GCN1: variants seen among roughly 807,000 people sequenced by gnomAD.
The protein encoded by GCN1 is GCN1 activator of EIF2AK4.
In GCN1, 90 loss-of-function variants were observed where a neutral mutation model predicts 288.4. The observed-to-expected ratio is 0.31, with a 90% CI of 0.26 to 0.37. The LOEUF (loss-of-function observed/expected upper bound fraction) is 0.37, where lower values mean the gene tolerates loss of function less well. Ranked by LOEUF, GCN1 falls within the 10% of genes least tolerant of loss-of-function variation. The pLI is 1.00. For synonymous variants in GCN1, 1,386 were observed against 1,420.2 expected (o/e 0.98, Z 0.54); for missense variants, 2,586 against 3,419.9 (o/e 0.76, Z 6.08).
chr12:120,169,276 CAAAAAAAAAAAA>C (rs35819206), intron 15 of GCN1, among the ~76,000 whole-genome samples: 3 of 66,674 alleles, frequency 4.5e-5, no homozygotes, highest in East Asian at 4.8e-4. Context: ...AACTCCGTCT[CAAAAAAAAAAAA>C]AAAAAAAGAA....
At position 120,138,764 on chromosome 12, in the gene GCN1, G is replaced by A. The variant is rs746692590; in HGVS notation, c.6087C>T (p.Phe2029=). The A allele has an allele frequency of 6.8e-6, 11 of 1,614,196 alleles. No individual in the cohort carries two copies. The highest frequency in any genetic ancestry group is 1.6e-4 in the Middle Eastern group (1 of 6,062). ...EEVREAAAKT[F]EQLHSTIGHQ... is the part of the protein sequence containing the mutation. ...GGCCGATGGTGGAATGCAGCTGCTC[G>A]AAAGTCTTGGCTGCCGCCTCTCTGA... is the stretch of plus-strand genomic sequence containing the variant. The change falls in exon 46 of 58, where the codon TTC becomes TTT. Residue 2029 remains phenylalanine (F), a synonymous_variant. Coordinates refer to ENST00000300648, the MANE Select transcript of GCN1 (RefSeq NM_006836.2).
In GCN1 at chr12:120,137,208, T is replaced by C; in HGVS notation, c.6775A>G (p.Lys2259Glu). Reference sequence around the variant, plus strand: ...CCCTGCACGAGGCCCTGGCTTACCTTCTTCGGGAGGCAGAATCCTGGCACA... The same window carrying C: ...CCCTGCACGAGGCCCTGGCTTACCTCCTTCGGGAGGCAGAATCCTGGCACA... ...EHVPGFCLPK[K>E]GVTSILPVLR... Residue 2259 changes from lysine to glutamate, a missense_variant and splice_region_variant, in exon 50 of 58, where the codon AAG becomes GAG. Coordinates refer to ENST00000300648, the MANE Select transcript of GCN1 (RefSeq NM_006836.2). The surrounding 1 kb of genome is among the most constrained non-coding windows in gnomAD (Gnocchi z 5.2). 6.2e-7 allele frequency: 1 copy of C among 1,612,752 alleles called. No individual in the cohort carries two copies. Among genetic ancestry groups the C allele is most frequent in the Non-Finnish European group, 8.5e-7 (1 of 1,178,814 alleles).
intron 5 of GCN1, among the ~76,000 whole-genome samples, chr12:120,181,505 G>A (rs1594287997): frequency 7.2e-6 from 1 of 138,672 alleles, no homozygotes; most frequent in Non-Finnish European, 1.6e-5. Flanking sequence ...CAGAATCATG[G>A]TGTGTGTATA....
In GCN1 at chr12:120,174,090, G is replaced by A. The variant is rs776900204; in HGVS notation, c.1173C>T (p.Ile391=). ...VLNGIVAELF[I]PFLQQEVHEG... ...AATTACCTTCCTGCTGAAGGAACGG[G>A]ATGAACAGCTCAGCCACGATCCCAT... The change falls in exon 13 of 58, where the codon ATC becomes ATT. Residue 391 remains isoleucine, a synonymous_variant. Coordinates refer to ENST00000300648, the MANE Select transcript of GCN1 (RefSeq NM_006836.2). 14 of 1,595,560 alleles carry A rather than the reference G, an allele frequency of 8.8e-6. No homozygotes were observed. Among genetic ancestry groups the A allele is most frequent in the Non-Finnish European group, 1.2e-5 (14 of 1,163,176 alleles).
At chr12:120,141,901 G>C (rs928352457) in intron 44 of GCN1, among the ~76,000 whole-genome samples, 1 of 152,144 alleles carries the variant, frequency 6.6e-6, no homozygotes, top group African/African-American at 2.4e-5. Context: ...ACATCTCTTT[G>C]TGTGGTTATT....
Position 120,171,319 on chromosome 12 carries a change from T to G in GCN1, c.1367-998A>C, listed in dbSNP as rs550311412. 1.9e-3 allele frequency among the ~76,000 whole-genome samples: 289 copies of G among 151,004 alleles called. 1 individual carries two copies. Among genetic ancestry groups the G allele is most frequent in the African/African-American group, 6.7e-3 (275 of 41,030 alleles). On this transcript the variant is annotated intron_variant, in intron 14 of 57. Transcript: ENST00000300648. The stretch of plus-strand genomic sequence containing the variant: ...TGTCTCTATTAAAAAATACAAAAAT[T>G]AGCCAGGCATGGTGGTGGGCATCTG...
At chr12:120,177,658 G>T in intron 8 of GCN1, 26 bp downstream of exon 8, 1 of 1,589,618 alleles carries the variant, frequency 6.3e-7, no homozygotes, top group Non-Finnish European at 8.6e-7. Flanking sequence ...AGTTGTCCAG[G>T]TGAGTAACGT....
At chr12:120,186,040 A>G (rs1384566794) in intron 2 of GCN1, among the ~76,000 whole-genome samples, 2 of 151,878 alleles carry the variant, frequency 1.3e-5, no homozygotes, top group Non-Finnish European at 2.9e-5. Context: ...GTTGAACAAG[A>G]GTGCTCAATA....
chr12:120,162,170 G>A (rs1009926907), intron 20 of GCN1, 112 bp from the exon 21 acceptor site: 3 of 853,536 alleles, frequency 3.5e-6, no homozygotes, highest in East Asian at 5.3e-5. Context: ...CCACTGCCTT[G>A]TTACTCCTGG....
intron 5 of GCN1, among the ~76,000 whole-genome samples, chr12:120,180,806 GT>G (rs1352650086): frequency 4.0e-5 from 6 of 151,426 alleles, no homozygotes; most frequent in Non-Finnish European, 8.8e-5. Context: ...GGCTAACACG[GT>G]GAAACCCTGT....
intron 14 of GCN1, among the ~76,000 whole-genome samples, chr12:120,171,184 G>C (rs142737088): frequency 3.4e-5 from 5 of 148,424 alleles, no homozygotes; most frequent in Admixed American, 3.4e-4. Flanking sequence ...ACTATAGTTT[G>C]GCTGGGCACG....
intron 33 of GCN1, among the ~76,000 whole-genome samples, chr12:120,151,933 G>A (rs917855420): frequency 6.6e-6 from 1 of 152,214 alleles, no homozygotes; most frequent in Admixed American, 6.5e-5. Context: ...GCCCAGGTGC[G>A]ACTCTTTTGC....
intron 34 of GCN1, 139 bp from the exon 35 acceptor site, chr12:120,150,182 C>A (rs998187945): frequency 6.1e-5 from 47 of 769,274 alleles, no homozygotes; most frequent in Non-Finnish European, 8.8e-5. Context: ...CTAGTAGATG[C>A]CCCATGAGGA....
At chr12:120,179,266 C>G (rs2139135328) in intron 5 of GCN1, among the ~76,000 whole-genome samples, 1 of 152,042 alleles carries the variant, frequency 6.6e-6, no homozygotes, top group East Asian at 1.9e-4. Context: ...GAGTCTCGCT[C>G]TGTCGCCAGG....
At position 120,156,268 on chromosome 12, in the gene GCN1, G is replaced by A. The variant is rs1176809760; in HGVS notation, c.3312+193C>T. Reference sequence around the variant, plus strand: ...ATTAAGTGAAGTGTTCCAAGGTAAAGGAAAAAATACAGTGATACATCATGA... The same window carrying A: ...ATTAAGTGAAGTGTTCCAAGGTAAAAGAAAAAATACAGTGATACATCATGA... On this transcript the variant is annotated intron_variant, in intron 28 of 57. Transcript: ENST00000300648. This position sits in a 1 kb window ranked among gnomAD's most constrained non-coding sequence, Gnocchi z 5.8. Among the ~76,000 whole-genome samples, 2 of 152,182 alleles carry A rather than the reference G, an allele frequency of 1.3e-5. No homozygotes were observed. The highest frequency in any genetic ancestry group is 2.9e-5 in the Non-Finnish European group (2 of 68,032).
chr12:120,143,936 T>C (rs1347397504), intron 42 of GCN1, among the ~76,000 whole-genome samples: 1 of 152,224 alleles, frequency 6.6e-6, no homozygotes, highest in Non-Finnish European at 1.5e-5. Context: ...TGCTCTTCAT[T>C]TCTCAACTGG....
chr12:120,147,064 C>A lies in GCN1; in HGVS notation c.4935G>T (p.Leu1645=). Residue 1645 remains leucine (L), a synonymous_variant, in exon 38 of 58, where the codon CTG becomes CTT. Coordinates refer to ENST00000300648, the MANE Select transcript of GCN1 (RefSeq NM_006836.2). The part of the protein sequence containing the change: ...AAQIIGNMYS[L]TDQKDLAPYL... ...GCTGGGCCGCTACCTTCTGGTCTGT[C>A]AGGGAGTACATGTTGCCAATAATCT... 6.4e-7 allele frequency: 1 copy of A among 1,569,994 alleles called. No individual in the cohort carries two copies. Among genetic ancestry groups the A allele is most frequent in the South Asian group, 1.2e-5 (1 of 84,336 alleles).
In GCN1 at chr12:120,155,812, G is replaced by A; in HGVS notation, c.3313-93C>T. ...CCTCTCTCTAGGTTGTACTGTCCAA[G>A]ATGTAGCCACTAACCGCATGTGGCT... On this transcript the variant is annotated intron_variant, in intron 28 of 57. Transcript: ENST00000300648. The surrounding 1 kb of genome is among the most constrained non-coding windows in gnomAD (Gnocchi z 4.9). 7.9e-7 allele frequency: 1 copy of A among 1,268,972 alleles called. No homozygotes were observed. The highest frequency in any genetic ancestry group is 1.1e-6 in the Non-Finnish European group (1 of 894,374). The allele number at this position is 1,268,972 out of a possible 1,614,324, so 78.6% of individuals were successfully genotyped here.
chr12:120,169,296 GAA>G (rs767645879), intron 15 of GCN1, among the ~76,000 whole-genome samples: 1 of 55,736 alleles, frequency 1.8e-5, no homozygotes, highest in East Asian at 1.7e-3. Context: ...AAAAAAAAAA[GAA>G]AAAAAAAAAA....
Sources: gnomAD v4.1 joint callset for allele counts (sites outside exome capture counted in the v4.1 genomes callset) on GRCh38, gnomAD v4.1.1 for gene constraint, Gnocchi (gnomAD v3.1) non-coding constraint, MANE v1.5 for transcripts, NCBI Gene and HGNC (gene_info 2026-07-23, HGNC 2026-07-21) for gene names.